DHRS3: variants seen among roughly 807,000 people sequenced by gnomAD.
DHRS3 encodes dehydrogenase/reductase 3, also known as short-chain dehydrogenase/reductase 3.
A neutral mutation model predicts 27.2 loss-of-function variants in DHRS3; 14 were observed. That is an observed-to-expected ratio of 0.52 (90% CI 0.34 to 0.81). The LOEUF (loss-of-function observed/expected upper bound fraction) is 0.81. Ranked by LOEUF, DHRS3 falls within the 30% of genes least tolerant of loss-of-function variation. DHRS3 has a pLI of 0.01. For missense variants in DHRS3, 322 were observed against 406.2 expected, an observed-to-expected ratio of 0.79 and a Z score of 1.78; for synonymous variants, 165 against 175.9, an observed-to-expected ratio of 0.94 and a Z score of 0.49.
At chr1:12,603,669 G>T (rs955342300) in intron 1 of DHRS3, among the ~76,000 whole-genome samples, 1 of 152,258 alleles carries the variant, frequency 6.6e-6, no homozygotes, top group South Asian at 2.1e-4. Flanking sequence ...ACAGGAGACC[G>T]TGTTCCCTAG....
At chr1:12,581,953 A>G (rs1192658851) in intron 1 of DHRS3, among the ~76,000 whole-genome samples, 1 of 152,212 alleles carries the variant, frequency 6.6e-6, no homozygotes, top group Non-Finnish European at 1.5e-5. Context: ...AAAATATCCA[A>G]CGTGGAAACC....
intron 1 of DHRS3, among the ~76,000 whole-genome samples, chr1:12,607,096 C>T (rs1646877038): frequency 6.6e-6 from 1 of 152,158 alleles, no homozygotes; most frequent in Non-Finnish European, 1.5e-5. Flanking sequence ...AAAACTTTAA[C>T]AGAAAAACAC....
intron 1 of DHRS3, among the ~76,000 whole-genome samples, chr1:12,611,966 C>T (rs1166594564): frequency 1.6e-5 from 1 of 63,260 alleles, no homozygotes; most frequent in Non-Finnish European, 3.6e-5. Flanking sequence ...AATAAAAGCT[C>T]AGTCTCTGGC....
At chr1:12,568,963 C>T (rs925325768) in intron 5 of DHRS3, among the ~76,000 whole-genome samples, 2 of 152,154 alleles carry the variant, frequency 1.3e-5, no homozygotes, top group African/African-American at 2.4e-5. Flanking sequence ...TGGCTCATGC[C>T]TGTAATCCCA....
chr1:12,579,481 T>C, intron 2 of DHRS3, 69 bp from the exon 3 acceptor site: 2 of 1,559,812 alleles, frequency 1.3e-6, no homozygotes, highest in Non-Finnish European at 1.7e-6. Flanking sequence ...ATGTTTTTTG[T>C]TTGTTTGTTT....
chr1:12,570,840 G>A (rs549281869), intron 5 of DHRS3, among the ~76,000 whole-genome samples: 4 of 152,196 alleles, frequency 2.6e-5, no homozygotes, highest in Non-Finnish European at 4.4e-5. Context: ...TGGCCTGGAT[G>A]CCCCTGGGTG....
At chr1:12,579,135 G>T in intron 3 of DHRS3, 158 bp downstream of exon 3, 1 of 1,357,998 alleles carries the variant, frequency 7.4e-7, no homozygotes, top group Non-Finnish European at 1.0e-6. Flanking sequence ...CACAAAGTCT[G>T]ATGTGTCCTA....
rs796661707 is a variant in DHRS3 at position 12,590,137 on chromosome 1, G to A, written c.196-9471C>T. 9.9e-4 allele frequency among the ~76,000 whole-genome samples: 150 copies of A among 152,184 alleles called. 1 individual carries two copies. The highest frequency in any genetic ancestry group is 3.2e-3 in the African/African-American group (131 of 41,508). On this transcript the variant is annotated intron_variant, in intron 1 of 5. Coordinates refer to ENST00000616661, the MANE Select transcript of DHRS3 (RefSeq NM_004753.7). ...CCACCTGCAGAGCAAGCTGCGGGGG[G>A]ATTTCTTAGGGAGGAGAGGTTTTCA...
chr1:12,585,463 G>A (rs1428423360), intron 1 of DHRS3, among the ~76,000 whole-genome samples: 2 of 152,182 alleles, frequency 1.3e-5, no homozygotes, highest in Non-Finnish European at 2.9e-5. Context: ...GGTGGATGCT[G>A]GGAGTCGCAG....
intron 4 of DHRS3, among the ~76,000 whole-genome samples, chr1:12,575,036 G>C (rs892097873): frequency 6.6e-6 from 1 of 152,094 alleles, no homozygotes; most frequent in African/African-American, 2.4e-5. Context: ...ACATCGAAGA[G>C]GCTCAATTGG....
intron 5 of DHRS3, among the ~76,000 whole-genome samples, chr1:12,570,262 G>A (rs925656374): frequency 4.6e-5 from 7 of 152,186 alleles, no homozygotes; most frequent in Admixed American, 3.9e-4. Flanking sequence ...CCGGAGTTCC[G>A]ACGCTTCCCC....
intron 5 of DHRS3, among the ~76,000 whole-genome samples, chr1:12,571,860 T>C (rs1646541207): frequency 6.6e-6 from 1 of 152,050 alleles, no homozygotes. Flanking sequence ...AATACTAAGA[T>C]GTTATTTGTC....
rs1646888740 is a variant in DHRS3 at position 12,608,906 on chromosome 1, C to A, written c.195+8248G>T. Among the ~76,000 whole-genome samples the A allele has an allele frequency of 6.6e-6, 1 of 152,210 alleles. No individual in the cohort carries two copies. The highest frequency in any genetic ancestry group is 2.4e-5 in the African/African-American group (1 of 41,450). On this transcript the variant is annotated intron_variant, in intron 1 of 5. Coordinates refer to ENST00000616661, the MANE Select transcript of DHRS3 (RefSeq NM_004753.7). This position sits in a 1 kb window ranked among gnomAD's most constrained non-coding sequence, Gnocchi z 4.1. Reference sequence around the variant, plus strand: ...ATACTCCCATGGATTTGCCACCCAACCTAAGTCATGGCTTCTAGCCCTTGT... The same window carrying A: ...ATACTCCCATGGATTTGCCACCCAAACTAAGTCATGGCTTCTAGCCCTTGT...
At chr1:12,607,694 T>C (rs1045752914) in intron 1 of DHRS3, among the ~76,000 whole-genome samples, 1 of 152,098 alleles carries the variant, frequency 6.6e-6, no homozygotes, top group Non-Finnish European at 1.5e-5. Flanking sequence ...CTTCAGCTAA[T>C]GATGTAAAAA....
chr1:12,598,166 G>A (rs1646811516), intron 1 of DHRS3, among the ~76,000 whole-genome samples: 1 of 152,150 alleles, frequency 6.6e-6, no homozygotes, highest in African/African-American at 2.4e-5. Context: ...TGAGCTGTAG[G>A]GGAAAGAGGA....
rs1398859247 is a variant in DHRS3, at chr1:12,594,208, T to C, written c.196-13542A>G. On this transcript the variant is annotated intron_variant, in intron 1 of 5. Coordinates refer to ENST00000616661, the MANE Select transcript of DHRS3 (RefSeq NM_004753.7). This position sits in a 1 kb window ranked among gnomAD's most constrained non-coding sequence, Gnocchi z 4.1. Reference sequence around the variant, plus strand: ...GACAGTCTAAGTAACTCATGCAGGCTGCACTACTAGAAGTTTCAAAGCAAG... The same window carrying C: ...GACAGTCTAAGTAACTCATGCAGGCCGCACTACTAGAAGTTTCAAAGCAAG... Among the ~76,000 whole-genome samples, 1 of 152,218 alleles carries C rather than the reference T, an allele frequency of 6.6e-6. No homozygotes were observed. The highest frequency in any genetic ancestry group is 1.5e-5 in the Non-Finnish European group (1 of 68,034).
At chr1:12,616,960 C>T (rs1055533962) in intron 1 of DHRS3, among the ~76,000 whole-genome samples, 194 bp downstream of exon 1, 7 of 152,230 alleles carry the variant, frequency 4.6e-5, no homozygotes, top group South Asian at 2.1e-4. Flanking sequence ...CAACTCTGAA[C>T]CTGCCAAAAA....
At chr1:12,612,034 G>T (rs1227928938) in intron 1 of DHRS3, among the ~76,000 whole-genome samples, 1 of 152,192 alleles carries the variant, frequency 6.6e-6, no homozygotes, top group Non-Finnish European at 1.5e-5. Context: ...AGACACCTTT[G>T]TTCCCCCAAG....
At position 12,568,466 on chromosome 1, in the gene DHRS3, G is replaced by A. The variant is rs1343231935; in HGVS notation, c.825-42C>T. 6 of 1,597,284 alleles carry A rather than the reference G, an allele frequency of 3.8e-6. No homozygotes were observed. The Admixed American group carries it at 6.7e-5, about 18-fold the overall frequency. On this transcript the variant is annotated intron_variant, in intron 5 of 5. Coordinates refer to ENST00000616661, the MANE Select transcript of DHRS3 (RefSeq NM_004753.7). ...AAAAGAAGATAGCGATGGTTAGTGG[G>A]GCAGGATCCAGGGGCTGGGTCGCTG...
Sources: allele counts gnomAD v4.1 joint callset (sites outside exome capture counted in the v4.1 genomes callset), GRCh38; gene constraint gnomAD v4.1.1; non-coding constraint Gnocchi (gnomAD v3.1); transcripts MANE v1.5; gene names NCBI Gene and HGNC (gene_info 2026-07-23, HGNC 2026-07-21).